KIF6: variants seen among roughly 807,000 people sequenced by gnomAD.
The protein encoded by KIF6 is kinesin-like protein KIF6.
In KIF6, 106 loss-of-function variants were observed where a neutral mutation model predicts 112.7. That is an observed-to-expected ratio of 0.94 (90% CI 0.80 to 1.11). The LOEUF (loss-of-function observed/expected upper bound fraction) is 1.11, where lower values mean the gene tolerates loss of function less well. Ranked by LOEUF, KIF6 falls within the 50% of genes least tolerant of loss-of-function variation. The pLI is 0.00. For synonymous variants in KIF6, 339 were observed against 339.9 expected (o/e 1.00, Z 0.03); for missense variants, 929 against 964.0 (o/e 0.96, Z 0.48).
At chr6:39,389,076 C>T (rs1008505965) in intron 15 of KIF6, among the ~76,000 whole-genome samples, 7 of 152,112 alleles carry the variant, frequency 4.6e-5, no homozygotes, top group East Asian at 1.9e-4. Context: ...CCAGAGGAGA[C>T]GGGTGACCTT....
At chr6:39,429,196 G>A (rs552645292) in intron 14 of KIF6, among the ~76,000 whole-genome samples, 3 of 152,170 alleles carry the variant, frequency 2.0e-5, no homozygotes, top group South Asian at 2.1e-4. Context: ...CCCTCATTGC[G>A]GTTTGCTTTT....
At chr6:39,387,150 C>T (rs899478750) in intron 15 of KIF6, among the ~76,000 whole-genome samples, 13 of 151,982 alleles carry the variant, frequency 8.6e-5, no homozygotes, top group Admixed American at 7.9e-4. Context: ...TCCCTTCTGA[C>T]TTGTATGTAT....
intron 10 of KIF6, among the ~76,000 whole-genome samples, chr6:39,557,959 G>A (rs777524704): frequency 6.1e-5 from 9 of 148,296 alleles, no homozygotes; most frequent in South Asian, 4.2e-4. Context: ...TTTTTTGCCC[G>A]TTATCACTTT....
chr6:39,340,172 G>A (rs1763247138), intron 22 of KIF6, among the ~76,000 whole-genome samples: 1 of 152,246 alleles, frequency 6.6e-6, no homozygotes, highest in Admixed American at 6.5e-5. Context: ...GTGTCAACCT[G>A]TCTTTGGCTT....
intron 10 of KIF6, among the ~76,000 whole-genome samples, chr6:39,546,284 C>T (rs1232209823): frequency 6.6e-6 from 1 of 152,094 alleles, no homozygotes; most frequent in Admixed American, 6.6e-5. Context: ...AGGCCCTCTT[C>T]CTGCTTTTAT....
chr6:39,613,984 G>A (rs1293907169), intron 5 of KIF6, among the ~76,000 whole-genome samples: 1 of 152,090 alleles, frequency 6.6e-6, no homozygotes, highest in Admixed American at 6.5e-5. Flanking sequence ...CAGAGCCTTA[G>A]ATCTGGAATT....
chr6:39,490,934 T>C (rs999693182), intron 13 of KIF6, among the ~76,000 whole-genome samples: 4 of 152,210 alleles, frequency 2.6e-5, no homozygotes, highest in African/African-American at 7.2e-5. Flanking sequence ...ATATGTTACA[T>C]TCACCATCCC....
At chr6:39,345,624 G>A in intron 21 of KIF6, 76 bp downstream of exon 21, 1 of 1,231,288 alleles carries the variant, frequency 8.1e-7, no homozygotes, top group Non-Finnish European at 1.2e-6. Flanking sequence ...GCTTTTTCGG[G>A]GAGTAGACTG....
intron 13 of KIF6, among the ~76,000 whole-genome samples, chr6:39,446,643 C>A (rs1772340707): frequency 6.6e-6 from 1 of 152,064 alleles, no homozygotes; most frequent in Non-Finnish European, 1.5e-5. Flanking sequence ...ACAGGTGCCA[C>A]CAGGCCCATC....
intron 3 of KIF6, among the ~76,000 whole-genome samples, chr6:39,708,860 G>C (rs899314638): frequency 2.7e-5 from 4 of 150,852 alleles, no homozygotes; most frequent in Middle Eastern, 3.2e-3. Context: ...TCCAGAGATT[G>C]ATGCACTTCA....
intron 13 of KIF6, among the ~76,000 whole-genome samples, chr6:39,445,711 C>G (rs1264188725): frequency 6.6e-6 from 1 of 152,146 alleles, no homozygotes; most frequent in East Asian, 1.9e-4. Context: ...GAATGTTCCT[C>G]CTGAGGCAGG....
At chr6:39,678,167 G>T (rs1787287844) in intron 3 of KIF6, among the ~76,000 whole-genome samples, 1 of 151,730 alleles carries the variant, frequency 6.6e-6, no homozygotes, top group East Asian at 2.0e-4. Flanking sequence ...TGCTGGAGAG[G>T]ATGCGGAGAA....
chr6:39,351,801 G>C (rs1235501101), intron 19 of KIF6, among the ~76,000 whole-genome samples: 2 of 152,224 alleles, frequency 1.3e-5, no homozygotes, highest in Non-Finnish European at 2.9e-5. Flanking sequence ...TGAAAGGAGA[G>C]CTTATTCTCA....
At chr6:39,520,508 C>T (rs1777330262) in intron 13 of KIF6, among the ~76,000 whole-genome samples, 2 of 152,164 alleles carry the variant, frequency 1.3e-5, no homozygotes, top group East Asian at 1.9e-4. Flanking sequence ...CACTAAAATG[C>T]AGTAGAATAA....
At chr6:39,709,031 GT>G (rs1164277200) in intron 3 of KIF6, among the ~76,000 whole-genome samples, 2 of 152,148 alleles carry the variant, frequency 1.3e-5, no homozygotes, top group Non-Finnish European at 2.9e-5. Context: ...ACAAAAGGCA[GT>G]TTTGACAATG....
chr6:39,629,922 G>A (rs1011010878), intron 5 of KIF6, among the ~76,000 whole-genome samples: 2 of 151,996 alleles, frequency 1.3e-5, no homozygotes, highest in African/African-American at 4.8e-5. Context: ...AGTTGCTCCA[G>A]TACTATTTAT....
At chr6:39,339,424 G>A (rs1413609356) in intron 22 of KIF6, among the ~76,000 whole-genome samples, 1 of 152,066 alleles carries the variant, frequency 6.6e-6, no homozygotes, top group East Asian at 1.9e-4. Context: ...TCCCAGCTCG[G>A]GGCTCTTTCT....
At chr6:39,405,023 T>C (rs1203091629) in intron 15 of KIF6, among the ~76,000 whole-genome samples, 1 of 151,804 alleles carries the variant, frequency 6.6e-6, no homozygotes, top group Non-Finnish European at 1.5e-5. Context: ...TAAACAATTA[T>C]TACTAGAATG....
chr6:39,632,843 A>C (rs1784430310), intron 5 of KIF6, among the ~76,000 whole-genome samples: 1 of 151,938 alleles, frequency 6.6e-6, no homozygotes, highest in Non-Finnish European at 1.5e-5. Context: ...GATGGTCTCG[A>C]TCTCCTGACC....
Sources: allele counts gnomAD v4.1 joint callset (sites outside exome capture counted in the v4.1 genomes callset), GRCh38; gene constraint gnomAD v4.1.1; transcripts MANE v1.5; gene names NCBI Gene and HGNC (gene_info 2026-07-23, HGNC 2026-07-21).